Variants in CELF2 observed in about 807,000 individuals in gnomAD.
CELF2 encodes the protein CUGBP Elav-like family member 2.
A neutral mutation model predicts 62.6 loss-of-function variants in CELF2; 8 were observed. The observed-to-expected ratio is 0.13, with a 90% confidence interval of 0.07 to 0.23. The LOEUF (loss-of-function observed/expected upper bound fraction) is 0.23, where lower values mean the gene tolerates loss of function less well. Among genes scored for constraint, CELF2 ranks in the 10% least tolerant of loss-of-function variants. The pLI, the probability that CELF2 is intolerant of heterozygous loss-of-function variation, is 1.00. For missense variants in CELF2, 333 were observed against 671.0 expected (o/e 0.50, Z 5.56); for synonymous variants, 258 against 250.0 (o/e 1.03, Z -0.30).
At chr10:10,764,400 A>G in the CELF2 span, among the ~76,000 whole-genome samples, 7 of 152,156 alleles carry the variant, frequency 4.6e-5, no homozygotes, top group Non-Finnish European at 1.0e-4. Flanking sequence ...CTGAGTTTCC[A>G]CGTGCATAAG....
At chr10:10,764,064 T>TGTTCTTC in the CELF2 span, among the ~76,000 whole-genome samples, 3 of 152,260 alleles carry the variant, frequency 2.0e-5, no homozygotes, top group Non-Finnish European at 4.4e-5. Flanking sequence ...TTCAGCCATT[T>TGTTCTTC]GTTCTTCTTA....
intron 1 of CELF2, among the ~76,000 whole-genome samples, chr10:10,848,135 T>C (rs774726500): frequency 5.9e-5 from 9 of 152,214 alleles, no homozygotes; most frequent in Non-Finnish European, 1.2e-4. Flanking sequence ...CTGGAGGAAA[T>C]TTCGTTTCCT....
At chr10:10,651,574 A>G in the CELF2 span, among the ~76,000 whole-genome samples, 1 of 139,160 alleles carries the variant, frequency 7.2e-6, no homozygotes, top group Admixed American at 7.1e-5. Context: ...CTGACCCCCG[A>G]GCAGCCTAAC....
intron 1 of CELF2, among the ~76,000 whole-genome samples, chr10:11,024,432 G>T (rs553770170): frequency 6.6e-6 from 1 of 152,196 alleles, no homozygotes; most frequent in East Asian, 1.9e-4. Context: ...AAAACCCTGT[G>T]TCTACTAAAA....
At position 11,269,498 on chromosome 10, in the gene CELF2, A is replaced by G. The variant is rs1026881739; in HGVS notation, c.619-1168A>G. 3.9e-5 allele frequency among the ~76,000 whole-genome samples: 6 copies of G among 152,230 alleles called. No individual in the cohort carries two copies. The highest frequency in any genetic ancestry group is 1.4e-4 in the African/African-American group (6 of 41,458). On this transcript the variant is annotated intron_variant, in intron 6 of 12. Transcript: ENST00000633077. The surrounding 1 kb of genome is among the most constrained non-coding windows in gnomAD (Gnocchi z 4.4). Reference sequence around the variant, plus strand: ...GAGAATCACATTTAAATAGGAATATAACATTTCTGAGAGGAGAGAGAGAGA... The same window carrying G: ...GAGAATCACATTTAAATAGGAATATGACATTTCTGAGAGGAGAGAGAGAGA...
intron 5 of CELF2, among the ~76,000 whole-genome samples, chr10:11,261,802 G>A (rs894449650): frequency 6.6e-6 from 1 of 152,214 alleles, no homozygotes; most frequent in African/African-American, 2.4e-5. Flanking sequence ...AAAGGAGCAG[G>A]ATGCCATGGG....
intron 1 of CELF2, among the ~76,000 whole-genome samples, chr10:11,048,138 A>G (rs1422010760): frequency 2.0e-5 from 3 of 152,204 alleles, no homozygotes; most frequent in Non-Finnish European, 4.4e-5. Flanking sequence ...CTCTGCCTGC[A>G]ATGTAGCTTT....
At chr10:10,570,430 C>T in the CELF2 span, among the ~76,000 whole-genome samples, 295 of 152,212 alleles carry the variant, frequency 1.9e-3, 6 homozygotes, top group East Asian at 0.049. Context: ...ACAAGCAAAA[C>T]ACAAATTCAC....
In CELF2 at chr10:11,314,314, C is replaced by T. The variant is rs199551110; in HGVS notation, c.1096+56C>T. On this transcript the variant is annotated intron_variant, in intron 10 of 12. Coordinates refer to ENST00000633077, the MANE Select transcript of CELF2 (RefSeq NM_001326342.2). This position sits in a 1 kb window ranked among gnomAD's most constrained non-coding sequence, Gnocchi z 5.3. ...GGTGGACAGCCTTCCCCCAAATTCT[C>T]CACAGAAAGTGGTCAGCCAGAAATG... is the stretch of plus-strand genomic sequence containing the variant. 7.4e-6 allele frequency: 12 copies of T among 1,613,078 alleles called. No individual in the cohort carries two copies. The highest frequency in any genetic ancestry group is 8.5e-6 in the Non-Finnish European group (10 of 1,179,092).
the CELF2 span, among the ~76,000 whole-genome samples, chr10:10,789,316 C>T: frequency 6.6e-6 from 1 of 152,076 alleles, no homozygotes; most frequent in Non-Finnish European, 1.5e-5. Flanking sequence ...AGTCATTCCA[C>T]CAAAACATGT....
At chr10:10,660,982 G>C in the CELF2 span, among the ~76,000 whole-genome samples, 1 of 152,200 alleles carries the variant, frequency 6.6e-6, no homozygotes, top group Admixed American at 6.5e-5. Flanking sequence ...TTCAACACAA[G>C]TGTGTGATCA....
chr10:10,803,709 A>G (rs1375027182), intron 1 of CELF2, among the ~76,000 whole-genome samples: 1 of 152,248 alleles, frequency 6.6e-6, no homozygotes, highest in African/African-American at 2.4e-5. Flanking sequence ...AGTATCTGCC[A>G]TCTGCATATG....
chr10:10,569,715 C>T, the CELF2 span, among the ~76,000 whole-genome samples: 2 of 152,246 alleles, frequency 1.3e-5, no homozygotes, highest in Non-Finnish European at 2.9e-5. Flanking sequence ...GAAGCAGTTT[C>T]CAGGTGGACT....
chr10:10,884,186 A>T (rs1347588573), intron 1 of CELF2, among the ~76,000 whole-genome samples: 2 of 152,228 alleles, frequency 1.3e-5, no homozygotes, highest in African/African-American at 2.4e-5. Context: ...GTAAACGATC[A>T]TCTTGAAGGT....
chr10:11,185,578 C>A (rs918194962), intron 2 of CELF2, among the ~76,000 whole-genome samples: 3 of 152,134 alleles, frequency 2.0e-5, no homozygotes, highest in African/African-American at 7.2e-5. Context: ...ACATGCTTGG[C>A]TAATTTTGTA....
chr10:10,791,534 C>T, the CELF2 span, among the ~76,000 whole-genome samples: 2 of 151,978 alleles, frequency 1.3e-5, no homozygotes, highest in Non-Finnish European at 2.9e-5. Flanking sequence ...TTGAGGTAAA[C>T]TTTTCATTTT....
Position 11,290,127 on chromosome 10 carries a change from C to T in CELF2, c.976+1575C>T, listed in dbSNP as rs1023510545. Among the ~76,000 whole-genome samples, 3 of 152,152 alleles carry T rather than the reference C, an allele frequency of 2.0e-5. No homozygotes were observed. Among genetic ancestry groups the T allele is most frequent in the Non-Finnish European group, 2.9e-5 (2 of 68,030 alleles). ...AGCTAAGATAACTCAAAAATCATAT[C>T]CCAAAAGCGCTTTGTGGTGTGAGCA... On this transcript the variant is annotated intron_variant, in intron 9 of 12. Coordinates refer to ENST00000633077, the MANE Select transcript of CELF2 (RefSeq NM_001326342.2). The surrounding 1 kb of genome is among the most constrained non-coding windows in gnomAD (Gnocchi z 4.3).
intron 1 of CELF2, among the ~76,000 whole-genome samples, chr10:11,041,282 G>A (rs966966421): frequency 6.6e-6 from 1 of 152,132 alleles, no homozygotes; most frequent in Admixed American, 6.5e-5. Context: ...ACGCATTTTA[G>A]GGGGACACAG....
chr10:10,536,078 GGT>G, the CELF2 span, among the ~76,000 whole-genome samples: 1 of 148,828 alleles, frequency 6.7e-6, no homozygotes, highest in African/African-American at 2.5e-5. Context: ...GTAGTGCAGT[GGT>G]GCGATCTCGA....
Sources: allele counts gnomAD v4.1 joint callset (sites outside exome capture counted in the v4.1 genomes callset), GRCh38; gene constraint gnomAD v4.1.1; non-coding constraint Gnocchi (gnomAD v3.1); transcripts MANE v1.5; gene names NCBI Gene and HGNC (gene_info 2026-07-23, HGNC 2026-07-21).